ASTN2: variants seen among roughly 807,000 people sequenced by gnomAD.
ASTN2 encodes the protein astrotactin-2.
A neutral mutation model predicts 139.8 loss-of-function variants in ASTN2; 54 were observed. The ratio of observed to expected loss-of-function variants is 0.39; its 90% CI spans 0.31 to 0.48. ASTN2 has a LOEUF of 0.48. ASTN2 is among the 20% of genes least tolerant of loss of function. The pLI is 0.95. For missense variants in ASTN2, 1,565 were observed against 1,725.1 expected, an observed-to-expected ratio of 0.91 and a Z score of 1.64; for synonymous variants, 756 against 719.5, an observed-to-expected ratio of 1.05 and a Z score of -0.81.
rs529402506 is a variant in ASTN2, at chr9:116,815,779, T to C, written c.2207+4838A>G. Among the ~76,000 whole-genome samples the C allele has an allele frequency of 4.7e-5, 5 of 105,650 alleles. No individual in the cohort carries two copies. The East Asian group carries it at 9.7e-4, about 21-fold the overall frequency. The allele number at this position is 105,650 out of a possible 152,430, so 69.3% of individuals were successfully genotyped here. ...GAGATCGCCCCACTGCACTCCAGCC[T>C]GGGCAACAGAGCGAGACTCCGTCTC... On this transcript the variant is annotated intron_variant, in intron 12 of 22. Coordinates refer to ENST00000313400, the MANE Select transcript of ASTN2 (RefSeq NM_001365068.1).
chr9:117,193,188 G>A (rs143285740), intron 3 of ASTN2, among the ~76,000 whole-genome samples: 4 of 152,306 alleles, frequency 2.6e-5, no homozygotes, highest in South Asian at 2.1e-4. Context: ...TGTGGAGATG[G>A]CTAATGAAGG....
chr9:116,488,159 G>A (rs562767916), intron 19 of ASTN2, among the ~76,000 whole-genome samples: 53 of 152,148 alleles, frequency 3.5e-4, no homozygotes, highest in Admixed American at 6.5e-4. Context: ...CCACATATTT[G>A]TGATCCTCAA....
At chr9:116,449,817 A>G (rs1301220467) in intron 20 of ASTN2, among the ~76,000 whole-genome samples, 1 of 152,188 alleles carries the variant, frequency 6.6e-6, no homozygotes, top group East Asian at 1.9e-4. Flanking sequence ...ACAAGCCACA[A>G]GGAGAGGCCA....
At chr9:117,044,275 G>A (rs549367242) in intron 5 of ASTN2, among the ~76,000 whole-genome samples, 54 of 152,168 alleles carry the variant, frequency 3.5e-4, no homozygotes, top group Non-Finnish European at 7.1e-4. Context: ...ACATAAGAAG[G>A]AGAAAGTGGG....
chr9:117,401,894 ACAAG>A (rs1323932440), intron 1 of ASTN2, among the ~76,000 whole-genome samples: 1 of 152,078 alleles, frequency 6.6e-6, no homozygotes, highest in African/African-American at 2.4e-5. Flanking sequence ...AAACAAACAA[ACAAG>A]CAATTGTTTA....
At chr9:117,397,744 T>C (rs1322186346) in intron 1 of ASTN2, among the ~76,000 whole-genome samples, 1 of 152,234 alleles carries the variant, frequency 6.6e-6, no homozygotes, top group Non-Finnish European at 1.5e-5. Flanking sequence ...ACTGCCAGTC[T>C]AAATGGCTTC....
chr9:116,702,833 C>T (rs1014687826), intron 16 of ASTN2, among the ~76,000 whole-genome samples: 2 of 152,144 alleles, frequency 1.3e-5, no homozygotes, highest in Non-Finnish European at 2.9e-5. Context: ...TATTAACTAC[C>T]TACTGTGGGC....
At chr9:117,113,891 T>C (rs1829311397) in intron 4 of ASTN2, among the ~76,000 whole-genome samples, 1 of 152,174 alleles carries the variant, frequency 6.6e-6, no homozygotes, top group Non-Finnish European at 1.5e-5. Context: ...TAAAAGGTCG[T>C]CAGGAATCTT....
intron 3 of ASTN2, among the ~76,000 whole-genome samples, chr9:117,205,799 C>G (rs1375346385): frequency 6.6e-6 from 1 of 152,210 alleles, no homozygotes; most frequent in African/African-American, 2.4e-5. Flanking sequence ...CCGTTATCAT[C>G]ATCAGCCTCA....
At chr9:117,287,331 CATAAA>C (rs1834475166) in intron 2 of ASTN2, among the ~76,000 whole-genome samples, 1 of 152,190 alleles carries the variant, frequency 6.6e-6, no homozygotes, top group Non-Finnish European at 1.5e-5. Flanking sequence ...CATAAACCCT[CATAAA>C]ATACCCATGG....
At chr9:116,718,479 A>C (rs1707542283) in intron 16 of ASTN2, among the ~76,000 whole-genome samples, 1 of 152,200 alleles carries the variant, frequency 6.6e-6, no homozygotes, top group African/African-American at 2.4e-5. Flanking sequence ...AACATCCTAT[A>C]ATGGTTAATT....
At chr9:116,542,316 G>A (rs1374238534) in intron 19 of ASTN2, among the ~76,000 whole-genome samples, 1 of 152,062 alleles carries the variant, frequency 6.6e-6, no homozygotes, top group Non-Finnish European at 1.5e-5. Context: ...GAAATAAAAA[G>A]GTAACATAAA....
At chr9:116,798,457 G>A (rs532557857) in intron 13 of ASTN2, among the ~76,000 whole-genome samples, 1 of 152,326 alleles carries the variant, frequency 6.6e-6, no homozygotes, top group South Asian at 2.1e-4. Context: ...AGGCATGACT[G>A]TTAAGTGAAC....
intron 10 of ASTN2, among the ~76,000 whole-genome samples, chr9:116,969,767 G>A (rs1952719): frequency 0.52 from 79,347 of 152,012 alleles, 21,854 homozygotes; most frequent in South Asian, 0.73. Flanking sequence ...TCAAACTTTA[G>A]TGAGCATTAG....
At position 117,266,642 on chromosome 9, in the gene ASTN2, G is replaced by A. The variant is rs576353047; in HGVS notation, c.630+24684C>T. 1.8e-3 allele frequency among the ~76,000 whole-genome samples: 275 copies of A among 152,230 alleles called. 4 individuals carry two copies. Among genetic ancestry groups the A allele is most frequent in the African/African-American group, 6.2e-3 (258 of 41,534 alleles). On this transcript the variant is annotated intron_variant, in intron 2 of 22. Transcript: ENST00000313400. ...TCTACCACCTGCAAAAAAATAAGTT[G>A]CCTTTAATAAGTGTGCATTTTTTCT...
At chr9:117,278,941 T>C (rs562317693) in intron 2 of ASTN2, among the ~76,000 whole-genome samples, 1 of 152,340 alleles carries the variant, frequency 6.6e-6, no homozygotes, top group African/African-American at 2.4e-5. Flanking sequence ...AGCTCTGTCA[T>C]CAACCTGCTG....
At chr9:116,761,909 T>C (rs570759118) in intron 13 of ASTN2, among the ~76,000 whole-genome samples, 1 of 152,290 alleles carries the variant, frequency 6.6e-6, no homozygotes, top group South Asian at 2.1e-4. Flanking sequence ...AGGATTCCTG[T>C]CCCTTATGCA....
chr9:116,553,284 T>C (rs1302645766), intron 19 of ASTN2, among the ~76,000 whole-genome samples: 1 of 152,108 alleles, frequency 6.6e-6, no homozygotes, highest in East Asian at 1.9e-4. Context: ...GTTTCCAAAT[T>C]AAAAATAATA....
chr9:117,339,176 ATT>A (rs943838281), intron 1 of ASTN2, among the ~76,000 whole-genome samples: 12 of 152,258 alleles, frequency 7.9e-5, no homozygotes, highest in Non-Finnish European at 1.0e-4. Flanking sequence ...TGGTATTAGT[ATT>A]TCACATCTAG....
Sources: gnomAD v4.1 joint callset for allele counts (sites outside exome capture counted in the v4.1 genomes callset) on GRCh38, gnomAD v4.1.1 for gene constraint, MANE v1.5 for transcripts, NCBI Gene and HGNC (gene_info 2026-07-23, HGNC 2026-07-21) for gene names.